The following CPNE4 variants were observed in gnomAD, a reference collection of about 807,000 sequenced individuals.
CPNE4 encodes copine 4, also known as copine-4.
Under a neutral mutation model 67.9 loss-of-function variants are expected in CPNE4, and 25 were observed. That is an observed-to-expected ratio of 0.37 (90% CI 0.27 to 0.51). CPNE4 has a LOEUF of 0.51. Ranked by LOEUF, CPNE4 falls within the 20% of genes least tolerant of loss-of-function variation. The probability of loss-of-function intolerance (pLI) is 0.93; values close to 1 mark genes in which losing one functional copy is unlikely to be tolerated. For synonymous variants in CPNE4, 242 were observed against 244.9 expected, an observed-to-expected ratio of 0.99 and a Z score of 0.11; for missense variants, 464 against 690.8, an observed-to-expected ratio of 0.67 and a Z score of 3.68.
intron 1 of CPNE4, among the ~76,000 whole-genome samples, chr3:132,025,636 C>T (rs1471792583): frequency 6.6e-6 from 1 of 152,200 alleles, no homozygotes; most frequent in African/African-American, 2.4e-5. Flanking sequence ...ACTAATAAGC[C>T]TCTAGTTTGT....
At chr3:131,718,183 A>T (rs2081784705) in intron 3 of CPNE4, among the ~76,000 whole-genome samples, 1 of 151,690 alleles carries the variant, frequency 6.6e-6, no homozygotes, top group African/African-American at 2.4e-5. Context: ...TTTAGTAGAG[A>T]TGGGTTTCAC....
Position 131,966,109 on chromosome 3 carries a change from C to T in CPNE4, c.-1-60665G>A, listed in dbSNP as rs181012772. 2.0e-5 allele frequency among the ~76,000 whole-genome samples: 3 copies of T among 152,306 alleles called. No homozygotes were observed. The East Asian group carries it at 5.8e-4, about 29-fold the overall frequency. On this transcript the variant is annotated intron_variant, in intron 1 of 15. Coordinates refer to ENST00000429747, the MANE Select transcript of CPNE4 (RefSeq NM_130808.3). Reference sequence around the variant, plus strand: ...AACTACATGGAAACTGAACAACCTACTCCTGAATGACTACTGAGTAAATAA... The same window carrying T: ...AACTACATGGAAACTGAACAACCTATTCCTGAATGACTACTGAGTAAATAA...
intron 1 of CPNE4, among the ~76,000 whole-genome samples, chr3:131,943,397 G>A (rs1388027250): frequency 6.6e-6 from 1 of 152,082 alleles, no homozygotes; most frequent in Non-Finnish European, 1.5e-5. Flanking sequence ...ATATGTCATT[G>A]GATTGTTGTA....
At chr3:131,934,656 A>G (rs759224983) in intron 1 of CPNE4, among the ~76,000 whole-genome samples, 3 of 152,090 alleles carry the variant, frequency 2.0e-5, no homozygotes, top group Non-Finnish European at 2.9e-5. Flanking sequence ...GAATGAGAAC[A>G]TGCAGTGTTT....
intron 1 of CPNE4, among the ~76,000 whole-genome samples, chr3:132,001,987 T>G (rs1423857118): frequency 1.3e-5 from 2 of 152,106 alleles, no homozygotes; most frequent in Non-Finnish European, 2.9e-5. Context: ...TTTCCAAACA[T>G]TTTTATTTTC....
At chr3:132,028,221 T>C (rs775629336) in intron 1 of CPNE4, among the ~76,000 whole-genome samples, 7 of 152,192 alleles carry the variant, frequency 4.6e-5, no homozygotes, top group Non-Finnish European at 7.3e-5. Context: ...ACCTGTTTCC[T>C]TGAAATACAG....
intron 1 of CPNE4, among the ~76,000 whole-genome samples, chr3:132,001,343 C>T (rs537183066): frequency 6.4e-4 from 98 of 151,976 alleles, no homozygotes; most frequent in African/African-American, 2.1e-3. Context: ...ATAACTCTTA[C>T]CCAAGTATGA....
At chr3:131,895,395 A>G (rs2088287401) in intron 2 of CPNE4, among the ~76,000 whole-genome samples, 1 of 152,146 alleles carries the variant, frequency 6.6e-6, no homozygotes, top group Admixed American at 6.6e-5. Flanking sequence ...TGATAAATGC[A>G]TGAGATGAAG....
chr3:131,989,751 ATGT>A lies in CPNE4; in HGVS notation c.-2+44813_-2+44815del, dbSNP rs2073134611. Among the ~76,000 whole-genome samples, 2 of 136,732 alleles carry A rather than the reference ATGT, an allele frequency of 1.5e-5. 1 individual carries two copies. 89.7% of individuals were successfully genotyped at this position (136,732 alleles called of 152,430 possible). ...TCCAAATTTTACGGGTGGAGAAAGC[ATGT>A]CCAGTCCAAGATAACACCATGTCAA... On this transcript the variant is annotated intron_variant, in intron 1 of 15. Coordinates refer to ENST00000429747, the MANE Select transcript of CPNE4 (RefSeq NM_130808.3).
intron 2 of CPNE4, among the ~76,000 whole-genome samples, chr3:131,728,628 T>A (rs1583094585): frequency 6.6e-6 from 1 of 151,964 alleles, no homozygotes; most frequent in Admixed American, 6.6e-5. Context: ...TTGGATTGTG[T>A]GGCCGGGCGC....
rs138062746 is a variant in CPNE4, at chr3:131,914,406, C to A, written c.-1-8962G>T. Among the ~76,000 whole-genome samples, 619 of 152,256 alleles carry A rather than the reference C, an allele frequency of 4.1e-3. 4 individuals carry two copies. Among genetic ancestry groups the A allele is most frequent in the African/African-American group, 0.014 (601 of 41,542 alleles). On this transcript the variant is annotated intron_variant, in intron 1 of 15. Coordinates refer to ENST00000429747, the MANE Select transcript of CPNE4 (RefSeq NM_130808.3). ...TGTCACCTGGTGGCTGTCCCTCCCC[C>A]TCTCTGTCTCCTCCCCTTCTCTCTA...
At chr3:132,018,113 T>C (rs2073924360) in intron 1 of CPNE4, among the ~76,000 whole-genome samples, 1 of 152,192 alleles carries the variant, frequency 6.6e-6, no homozygotes, top group South Asian at 2.1e-4. Context: ...ATTTGCTCCC[T>C]TTTCCCTCTA....
intron 2 of CPNE4, among the ~76,000 whole-genome samples, chr3:131,862,774 T>C (rs1047241941): frequency 6.6e-6 from 1 of 152,028 alleles, no homozygotes; most frequent in Non-Finnish European, 1.5e-5. Context: ...TTGTTACATA[T>C]GTATACATGT....
intron 5 of CPNE4, among the ~76,000 whole-genome samples, chr3:131,687,211 G>A (rs1410285424): frequency 6.6e-6 from 1 of 152,124 alleles, no homozygotes; most frequent in Non-Finnish European, 1.5e-5. Flanking sequence ...AAATAACTAA[G>A]TGCTTCATTG....
chr3:131,630,977 A>G (rs1437445828), intron 7 of CPNE4, among the ~76,000 whole-genome samples: 5 of 152,204 alleles, frequency 3.3e-5, no homozygotes, highest in Non-Finnish European at 7.3e-5. Context: ...CAGCTTCGAG[A>G]GAAGTCTGAA....
At chr3:131,777,764 T>G (rs2083326479) in intron 2 of CPNE4, among the ~76,000 whole-genome samples, 1 of 152,096 alleles carries the variant, frequency 6.6e-6, no homozygotes, top group Non-Finnish European at 1.5e-5. Context: ...GTGGACCTTA[T>G]GAATGTAGGA....
intron 2 of CPNE4, among the ~76,000 whole-genome samples, chr3:131,843,817 G>A (rs1189811538): frequency 6.6e-6 from 1 of 152,142 alleles, no homozygotes; most frequent in East Asian, 1.9e-4. Flanking sequence ...TTTATCGGTG[G>A]GTCAAAATGT....
At chr3:131,975,145 C>T (rs1489232826) in intron 1 of CPNE4, among the ~76,000 whole-genome samples, 1 of 152,134 alleles carries the variant, frequency 6.6e-6, no homozygotes, top group African/African-American at 2.4e-5. Flanking sequence ...GGGGAGTTGG[C>T]AAAACCTATC....
chr3:131,614,162 A>G (rs1940008085), intron 7 of CPNE4, among the ~76,000 whole-genome samples: 1 of 152,178 alleles, frequency 6.6e-6, no homozygotes, highest in Non-Finnish European at 1.5e-5. Flanking sequence ...CTTACTGTGA[A>G]GGTATAGAAT....
Sources: gnomAD v4.1 joint callset for allele counts (sites outside exome capture counted in the v4.1 genomes callset) on GRCh38, gnomAD v4.1.1 for gene constraint, MANE v1.5 for transcripts, NCBI Gene and HGNC (gene_info 2026-07-23, HGNC 2026-07-21) for gene names.